Variants in TMEM233 observed in about 807,000 individuals in gnomAD.
The protein encoded by TMEM233 is transmembrane protein 233, also known as dispanin subfamily B member 2.
Under a neutral mutation model 11.2 loss-of-function variants are expected in TMEM233, and 6 were observed. The observed-to-expected ratio is 0.54, with a 90% CI of 0.29 to 1.06. TMEM233 has a LOEUF of 1.06. Among genes scored for constraint, TMEM233 ranks in the 50% least tolerant of loss-of-function variants. The probability of loss-of-function intolerance (pLI) is 0.08; values close to 1 mark genes in which losing one functional copy is unlikely to be tolerated. For missense variants in TMEM233, 127 were observed against 144.7 expected (o/e 0.88, Z 0.63); for synonymous variants, 59 against 55.8 (o/e 1.06, Z -0.26).
At chr12:119,639,246 C>A (rs1955031897) in intron 2 of TMEM233, among the ~76,000 whole-genome samples, 1 of 152,000 alleles carries the variant, frequency 6.6e-6, no homozygotes, top group African/African-American at 2.4e-5. Context: ...ATGTCTGTTT[C>A]CCCCCTACTG....
chr12:119,607,991 G>A (rs138381075), intron 1 of TMEM233, among the ~76,000 whole-genome samples: 1,920 of 152,200 alleles, frequency 0.013, 45 homozygotes, highest in African/African-American at 0.044. Flanking sequence ...TAAGAAAAAC[G>A]CTTTTATTCT....
At chr12:119,615,896 G>T (rs952976701) in intron 1 of TMEM233, among the ~76,000 whole-genome samples, 2 of 152,136 alleles carry the variant, frequency 1.3e-5, no homozygotes, top group Admixed American at 1.3e-4. Flanking sequence ...GCCAGGAGTT[G>T]CCTGGCACAG....
At chr12:119,617,881 C>T (rs1410306026) in intron 1 of TMEM233, among the ~76,000 whole-genome samples, 1 of 152,212 alleles carries the variant, frequency 6.6e-6, no homozygotes, top group Non-Finnish European at 1.5e-5. Context: ...GGGAGAAATT[C>T]AAGCCAGCTG....
rs1166014373 is a variant in TMEM233, at chr12:119,594,041, G to A, written c.186+7G>A. 1 of 1,551,330 alleles carries A rather than the reference G, an allele frequency of 6.4e-7. No homozygotes were observed. Among genetic ancestry groups the A allele is most frequent in the Non-Finnish European group, 8.7e-7 (1 of 1,146,768 alleles). On this transcript the variant is annotated splice_region_variant and intron_variant, in intron 1 of 2. Coordinates refer to ENST00000426426, the MANE Select transcript of TMEM233 (RefSeq NM_001136534.3). This position sits in a 1 kb window ranked among gnomAD's most constrained non-coding sequence, Gnocchi z 5.6. Reference sequence around the variant, plus strand: ...TTTGGTCTTTTCCATCATGGTGAGTGAATCACGGCCAGAGGCAGCCTGGGA... The same window carrying A: ...TTTGGTCTTTTCCATCATGGTGAGTAAATCACGGCCAGAGGCAGCCTGGGA...
At chr12:119,633,348 G>A (rs1954921620) in intron 2 of TMEM233, among the ~76,000 whole-genome samples, 1 of 152,078 alleles carries the variant, frequency 6.6e-6, no homozygotes, top group Non-Finnish European at 1.5e-5. Context: ...GGGAGGCAAA[G>A]ATGGAAGGAT....
chr12:119,601,126 A>C (rs1954155298), intron 1 of TMEM233, among the ~76,000 whole-genome samples: 1 of 152,200 alleles, frequency 6.6e-6, no homozygotes, highest in Non-Finnish European at 1.5e-5. Flanking sequence ...TTATCAAATA[A>C]GCAATATAGA....
the TMEM233 span, among the ~76,000 whole-genome samples, chr12:119,649,660 C>G: frequency 2.0e-5 from 3 of 151,978 alleles, no homozygotes; most frequent in African/African-American, 4.8e-5. Context: ...GGCTATCTCA[C>G]TCTAAGACTT....
chr12:119,645,567 A>ACATT (rs1164622054), downstream of TMEM233, among the ~76,000 whole-genome samples: 2 of 152,152 alleles, frequency 1.3e-5, no homozygotes, highest in Non-Finnish European at 2.9e-5. Context: ...CCTTTCCAAT[A>ACATT]CATTCATTCA....
chr12:119,651,494 G>A, the TMEM233 span, among the ~76,000 whole-genome samples: 13 of 152,062 alleles, frequency 8.5e-5, no homozygotes, highest in African/African-American at 2.7e-4. Flanking sequence ...AGCAAGAAGG[G>A]TAGGATTGTC....
chr12:119,634,136 T>C (rs1283611751), intron 2 of TMEM233: 2 of 413,598 alleles, frequency 4.8e-6, no homozygotes, highest in Non-Finnish European at 6.5e-6. Flanking sequence ...TAATCTGCTG[T>C]CTAACCCAAT....
At chr12:119,619,005 T>C (rs1375094194) in intron 1 of TMEM233, among the ~76,000 whole-genome samples, 1 of 152,192 alleles carries the variant, frequency 6.6e-6, no homozygotes, top group Non-Finnish European at 1.5e-5. Context: ...CCACATGTCA[T>C]GGGAGGGACC....
chr12:119,620,177 AG>A (rs1488483526), intron 1 of TMEM233, among the ~76,000 whole-genome samples: 5 of 152,196 alleles, frequency 3.3e-5, no homozygotes, highest in Non-Finnish European at 7.3e-5. Context: ...AAGTGTGAAA[AG>A]ATGGCTCAAC....
At chr12:119,602,146 G>GT (rs1011297596) in intron 1 of TMEM233, among the ~76,000 whole-genome samples, 1 of 152,164 alleles carries the variant, frequency 6.6e-6, no homozygotes, top group Non-Finnish European at 1.5e-5. Flanking sequence ...CAAACCACGT[G>GT]TTTTTTCCAT....
chr12:119,606,492 G>C (rs1954281215), intron 1 of TMEM233, among the ~76,000 whole-genome samples: 1 of 152,178 alleles, frequency 6.6e-6, no homozygotes, highest in Non-Finnish European at 1.5e-5. Context: ...AGAATTAGAA[G>C]ACGTTGTTTG....
In TMEM233 at chr12:119,594,980, C is replaced by T. The variant is rs1482252788; in HGVS notation, c.186+946C>T. On this transcript the variant is annotated intron_variant, in intron 1 of 2. Coordinates refer to ENST00000426426, the MANE Select transcript of TMEM233 (RefSeq NM_001136534.3). This position sits in a 1 kb window ranked among gnomAD's most constrained non-coding sequence, Gnocchi z 5.6. ...CCCGGGAATGAACTAGGGGATTCCACGCAACGTGCGGCTCCGCCCGCCCTC... is the reference window on the plus strand; with the variant it reads ...CCCGGGAATGAACTAGGGGATTCCATGCAACGTGCGGCTCCGCCCGCCCTC... 6.6e-6 allele frequency among the ~76,000 whole-genome samples: 1 copy of T among 152,230 alleles called. No individual in the cohort carries two copies. The highest frequency in any genetic ancestry group is 1.5e-5 in the Non-Finnish European group (1 of 68,042).
downstream of TMEM233, among the ~76,000 whole-genome samples, chr12:119,647,163 TG>T (rs1250022438): frequency 6.6e-5 from 10 of 152,322 alleles, no homozygotes; most frequent in African/African-American, 2.2e-4. Context: ...CCGAAAGTGC[TG>T]GGATTGTAGG....
At chr12:119,599,678 G>T (rs978040971) in intron 1 of TMEM233, among the ~76,000 whole-genome samples, 1 of 152,154 alleles carries the variant, frequency 6.6e-6, no homozygotes, top group East Asian at 1.9e-4. Context: ...GGTACCAGCT[G>T]AAGATACTGC....
At chr12:119,621,516 AAAC>A (rs1349228036) in intron 1 of TMEM233, among the ~76,000 whole-genome samples, 1 of 152,144 alleles carries the variant, frequency 6.6e-6, no homozygotes, top group African/African-American at 2.4e-5. Context: ...GAGAAAAAAA[AAAC>A]ACAAACTTCT....
chr12:119,595,163 C>G lies in TMEM233; in HGVS notation c.186+1129C>G, dbSNP rs1246371535. On this transcript the variant is annotated intron_variant, in intron 1 of 2. Coordinates refer to ENST00000426426, the MANE Select transcript of TMEM233 (RefSeq NM_001136534.3). The surrounding 1 kb of genome is among the most constrained non-coding windows in gnomAD (Gnocchi z 4.3). ...GCGACGAGCGCCTGCTAGGCCCTCG[C>G]CTTATTGACTGCAGCAGCTGGCCCG... Among the ~76,000 whole-genome samples, 1 of 152,224 alleles carries G rather than the reference C, an allele frequency of 6.6e-6. No individual in the cohort carries two copies. Among genetic ancestry groups the G allele is most frequent in the Non-Finnish European group, 1.5e-5 (1 of 68,042 alleles).
Sources: allele counts gnomAD v4.1 joint callset (sites outside exome capture counted in the v4.1 genomes callset), GRCh38; gene constraint gnomAD v4.1.1; non-coding constraint Gnocchi (gnomAD v3.1); transcripts MANE v1.5; gene names NCBI Gene and HGNC (gene_info 2026-07-23, HGNC 2026-07-21).